NOL4: variants seen among roughly 807,000 people sequenced by gnomAD.
The protein encoded by NOL4 is cancer/testis antigen 125.
NOL4 carries 17 observed loss-of-function variants against 75.9 expected under a neutral mutation model. The ratio of observed to expected loss-of-function variants is 0.22; its 90% CI spans 0.15 to 0.34. The LOEUF (loss-of-function observed/expected upper bound fraction) is 0.34. Ranked by LOEUF, NOL4 falls within the 10% of genes least tolerant of loss-of-function variation. The pLI is 1.00. For missense variants in NOL4, 614 were observed against 793.5 expected (o/e 0.77, Z 2.72); for synonymous variants, 292 against 289.9 (o/e 1.01, Z -0.07).
intron 1 of NOL4, among the ~76,000 whole-genome samples, chr18:34,136,993 C>T (rs542415518): frequency 5.1e-4 from 78 of 152,182 alleles, no homozygotes; most frequent in African/African-American, 1.9e-3. Flanking sequence ...ATTGAGACTT[C>T]AGAAATAAAG....
chr18:34,203,715 T>TCACA (rs751513951), intron 1 of NOL4, among the ~76,000 whole-genome samples: 147 of 59,584 alleles, frequency 2.5e-3, no homozygotes, highest in South Asian at 7.4e-3. Flanking sequence ...TCTCTCTCTC[T>TCACA]CTCACACACA....
At chr18:33,859,324 T>A (rs2062981312) in intron 10 of NOL4, among the ~76,000 whole-genome samples, 1 of 152,196 alleles carries the variant, frequency 6.6e-6, no homozygotes, top group Non-Finnish European at 1.5e-5. Flanking sequence ...TAATGATTAT[T>A]TGGATGTTTC....
chr18:33,888,960 C>T (rs2064933593), intron 9 of NOL4, among the ~76,000 whole-genome samples: 2 of 151,918 alleles, frequency 1.3e-5, no homozygotes, highest in African/African-American at 4.8e-5. Context: ...ATTAAAAGAA[C>T]TAGAGAAGCA....
chr18:33,949,591 C>A (rs2069069072), intron 8 of NOL4, among the ~76,000 whole-genome samples: 1 of 152,058 alleles, frequency 6.6e-6, no homozygotes. Flanking sequence ...CAGCAAACCC[C>A]TGAAATTGGA....
At chr18:33,968,254 T>C (rs568494350) in intron 6 of NOL4, among the ~76,000 whole-genome samples, 3 of 152,272 alleles carry the variant, frequency 2.0e-5, no homozygotes, top group African/African-American at 7.2e-5. Flanking sequence ...ACAGAACTAC[T>C]ATTTGACCCA....
Position 33,943,038 on chromosome 18 carries a change from T to C in NOL4, c.1542+27A>G, listed in dbSNP as rs1174572729. On this transcript the variant is annotated intron_variant, in intron 9 of 10. Coordinates refer to ENST00000261592, the MANE Select transcript of NOL4 (RefSeq NM_003787.5). The stretch of plus-strand genomic sequence containing the variant: ...GAACTACATTTGCTATAGCTGGTGT[T>C]CACCAGACTTCAAGATGCCTCAGTA... The C allele has an allele frequency of 2.1e-6, 3 of 1,439,872 alleles. No individual in the cohort carries two copies. The Admixed American group carries it at 5.1e-5, about 24-fold the overall frequency. The allele number at this position is 1,439,872 out of a possible 1,614,324, so 89.2% of individuals were successfully genotyped here.
chr18:34,199,321 C>T (rs1296181040), intron 1 of NOL4, among the ~76,000 whole-genome samples: 2 of 151,610 alleles, frequency 1.3e-5, no homozygotes, highest in African/African-American at 4.8e-5. Flanking sequence ...TGCTAGCCTC[C>T]AACCTAATCA....
chr18:34,205,877 G>C (rs1156960718), intron 1 of NOL4, among the ~76,000 whole-genome samples: 1 of 151,998 alleles, frequency 6.6e-6, no homozygotes, highest in Non-Finnish European at 1.5e-5. Flanking sequence ...CTAAAATTAA[G>C]CTTCTGCTTT....
intron 8 of NOL4, among the ~76,000 whole-genome samples, chr18:33,952,667 G>A (rs1451746413): frequency 6.6e-6 from 1 of 152,214 alleles, no homozygotes; most frequent in Non-Finnish European, 1.5e-5. Flanking sequence ...GCTCACGCCT[G>A]TAATCCCAGC....
intron 6 of NOL4, among the ~76,000 whole-genome samples, chr18:33,983,064 G>A (rs1007393758): frequency 1.3e-5 from 2 of 151,806 alleles, no homozygotes; most frequent in African/African-American, 2.4e-5. Context: ...AATCTTAAAT[G>A]CATATTACTA....
At chr18:33,947,551 A>G (rs1376546402) in intron 8 of NOL4, among the ~76,000 whole-genome samples, 1 of 151,824 alleles carries the variant, frequency 6.6e-6, no homozygotes, top group African/African-American at 2.4e-5. Context: ...AAATACATAT[A>G]CTATTTGATA....
intron 1 of NOL4, among the ~76,000 whole-genome samples, chr18:34,170,918 T>C (rs1316409134): frequency 6.6e-6 from 1 of 152,196 alleles, no homozygotes; most frequent in African/African-American, 2.4e-5. Context: ...TGTATATTTA[T>C]GCACAGTTCT....
At chr18:34,039,837 T>C (rs1332616121) in intron 5 of NOL4, among the ~76,000 whole-genome samples, 2 of 151,944 alleles carry the variant, frequency 1.3e-5, no homozygotes, top group African/African-American at 4.8e-5. Context: ...ACACATTCAG[T>C]TGAAAGAGCA....
intron 6 of NOL4, among the ~76,000 whole-genome samples, chr18:33,971,943 A>G (rs2071095668): frequency 6.6e-6 from 1 of 152,102 alleles, no homozygotes; most frequent in Admixed American, 6.5e-5. Context: ...AGGCAGGTGG[A>G]TCATCTGAGG....
At chr18:33,863,550 G>A (rs1270599213) in intron 10 of NOL4, among the ~76,000 whole-genome samples, 1 of 152,174 alleles carries the variant, frequency 6.6e-6, no homozygotes. Flanking sequence ...AAACCCAGTT[G>A]GGCAGTCATG....
chr18:34,071,959 G>A (rs895579754), intron 5 of NOL4, among the ~76,000 whole-genome samples: 2 of 152,130 alleles, frequency 1.3e-5, no homozygotes, highest in African/African-American at 2.4e-5. Context: ...GGGGCCAGGC[G>A]CAGTAGCTCA....
At chr18:33,948,533 T>C (rs550459216) in intron 8 of NOL4, among the ~76,000 whole-genome samples, 3 of 152,118 alleles carry the variant, frequency 2.0e-5, no homozygotes, top group African/African-American at 7.2e-5. Context: ...TGAATATTAT[T>C]CTATAACCAG....
At chr18:34,071,147 C>T (rs555787489) in intron 5 of NOL4, among the ~76,000 whole-genome samples, 4 of 151,790 alleles carry the variant, frequency 2.6e-5, no homozygotes, top group Non-Finnish European at 5.9e-5. Flanking sequence ...GGTGGATATA[C>T]CAAAAAACAT....
intron 9 of NOL4, among the ~76,000 whole-genome samples, chr18:33,938,229 C>T (rs1448681487): frequency 6.6e-6 from 1 of 152,016 alleles, no homozygotes. Flanking sequence ...AATATCCTTT[C>T]TCATGGGGTT....
Sources: gnomAD v4.1 joint callset for allele counts (sites outside exome capture counted in the v4.1 genomes callset) on GRCh38, gnomAD v4.1.1 for gene constraint, MANE v1.5 for transcripts, NCBI Gene and HGNC (gene_info 2026-07-23, HGNC 2026-07-21) for gene names.